HEATR4: variants seen among roughly 807,000 people sequenced by gnomAD.
HEATR4 encodes the protein HEAT repeat containing 4.
In HEATR4, 95 loss-of-function variants were observed where a neutral mutation model predicts 108.8. The observed-to-expected ratio is 0.87, with a 90% CI of 0.74 to 1.04. The LOEUF is 1.04. Ranked by LOEUF, HEATR4 falls within the 50% of genes least tolerant of loss-of-function variation. The pLI is 0.00. For missense variants in HEATR4, 1,152 were observed against 1,253.8 expected (o/e 0.92, Z 1.23); for synonymous variants, 443 against 459.4 (o/e 0.96, Z 0.46).
chr14:73,479,003 A>G (rs572782447), intron 17 of HEATR4, among the ~76,000 whole-genome samples, 161 bp from the exon 18 acceptor site: 1 of 152,020 alleles, frequency 6.6e-6, no homozygotes, highest in East Asian at 1.9e-4. Flanking sequence ...CAGTGGCGCA[A>G]TCTCGGCTTA....
At chr14:73,579,401 C>T in the HEATR4 span, among the ~76,000 whole-genome samples, 2 of 150,012 alleles carry the variant, frequency 1.3e-5, no homozygotes, top group African/African-American at 2.4e-5. Context: ...ATGGTGAAAC[C>T]CCATCTCTAC....
the HEATR4 span, among the ~76,000 whole-genome samples, chr14:73,619,074 G>A: frequency 2.6e-5 from 4 of 152,144 alleles, no homozygotes; most frequent in Non-Finnish European, 5.9e-5. Flanking sequence ...AGGTTACAGT[G>A]AGCCAAGATT....
At chr14:73,557,127 G>A (rs1301024114) in intron 1 of HEATR4, among the ~76,000 whole-genome samples, 1 of 112,908 alleles carries the variant, frequency 8.9e-6, no homozygotes, top group Admixed American at 1.0e-4. Flanking sequence ...TGGCATAACT[G>A]CAGACCAGGC....
rs182526993 is a variant in HEATR4, at chr14:73,501,361, G to A, written c.2106-631C>T. The stretch of plus-strand genomic sequence containing the variant: ...AGGATGGTCTTGATCTCCTGACCTC[G>A]TGATCTGCCCGCCTCGGCCTCCCAA... On this transcript the variant is annotated intron_variant, in intron 11 of 17. Coordinates refer to ENST00000553558, the MANE Select transcript of HEATR4 (RefSeq NM_001220484.1). Among the ~76,000 whole-genome samples, 1,054 of 151,944 alleles carry A rather than the reference G, an allele frequency of 6.9e-3. 11 individuals carry two copies. Among genetic ancestry groups the A allele is most frequent in the African/African-American group, 0.024 (1,015 of 41,440 alleles).
At chr14:73,576,793 CAA>C in the HEATR4 span, among the ~76,000 whole-genome samples, 26 of 12,104 alleles carry the variant, frequency 2.1e-3, 2 homozygotes, top group South Asian at 0.012. Context: ...GACACAGTCT[CAA>C]AAAAAAAAAA....
At chr14:73,628,622 G>A in the HEATR4 span, among the ~76,000 whole-genome samples, 1,895 of 152,206 alleles carry the variant, frequency 0.012, 44 homozygotes, top group African/African-American at 0.043. Flanking sequence ...GAGTGGTGGC[G>A]CATGCCTGTA....
chr14:73,505,836 T>C (rs778529089), intron 10 of HEATR4, among the ~76,000 whole-genome samples: 1 of 152,022 alleles, frequency 6.6e-6, no homozygotes, highest in Non-Finnish European at 1.5e-5. Flanking sequence ...AAATATGTCA[T>C]TGACTGATAA....
chr14:73,591,500 G>A, the HEATR4 span, among the ~76,000 whole-genome samples: 1 of 151,558 alleles, frequency 6.6e-6, no homozygotes, highest in African/African-American at 2.4e-5. Context: ...GAGCCGAAGC[G>A]CCACTGCACT....
chr14:73,629,016 C>A, the HEATR4 span, among the ~76,000 whole-genome samples: 2 of 150,474 alleles, frequency 1.3e-5, no homozygotes, highest in Non-Finnish European at 2.9e-5. Context: ...GATAACGCCA[C>A]TGCACTTCAG....
chr14:73,499,689 C>T (rs1312619619), intron 12 of HEATR4, among the ~76,000 whole-genome samples: 2 of 152,142 alleles, frequency 1.3e-5, no homozygotes, highest in Non-Finnish European at 2.9e-5. Flanking sequence ...GGCCATATGG[C>T]TTCTCTTGAA....
the HEATR4 span, among the ~76,000 whole-genome samples, chr14:73,623,270 T>C: frequency 6.6e-6 from 1 of 152,166 alleles, no homozygotes; most frequent in Non-Finnish European, 1.5e-5. Flanking sequence ...ACAACTTTCA[T>C]AAAATAAAAG....
At chr14:73,562,475 G>A (rs983342969), upstream of HEATR4, among the ~76,000 whole-genome samples, 7 of 152,072 alleles carry the variant, frequency 4.6e-5, no homozygotes, top group South Asian at 2.1e-4. Flanking sequence ...GAATAACAGC[G>A]ATTTTTATGG....
Position 73,520,998 on chromosome 14 carries a change from A to G in HEATR4, c.923T>C (p.Met308Thr), listed in dbSNP as rs779530212. The G allele has an allele frequency of 1.2e-6, 2 of 1,613,744 alleles. No individual in the cohort carries two copies. Among genetic ancestry groups the G allele is most frequent in the Non-Finnish European group, 8.5e-7 (1 of 1,179,984 alleles). Reference protein sequence around the residue: ...YFQQAETVEIMPGNKSTEDIH... With the variant: ...YFQQAETVEITPGNKSTEDIH... ...ATCCTCAGTGCTCTTGTTGCCAGGC[A>G]TGATCTCAACTGTCTCTGCTTGTTG... Residue 308 changes from methionine (M) to threonine (T), a missense_variant, in exon 4 of 18, where the codon ATG becomes ACG. Transcript: ENST00000553558.
At position 73,546,312 on chromosome 14, in the gene HEATR4, A is replaced by T. The variant is rs1212872344; in HGVS notation, c.-152+12439T>A. 1.7e-5 allele frequency among the ~76,000 whole-genome samples: 2 copies of T among 114,648 alleles called. 1 individual carries two copies. The highest frequency in any genetic ancestry group is 5.7e-5 in the African/African-American group (2 of 35,322). The allele number at this position is 114,648 out of a possible 152,430, so 75.2% of individuals were successfully genotyped here. ...TGTTTTAATAACATGAAAAATTTTA[A>T]AAAGCACCACAAGGGTTCAGATTAC... On this transcript the variant is annotated intron_variant, in intron 1 of 17. Transcript: ENST00000553558.
the HEATR4 span, chr14:73,574,206 A>G: frequency 4.4e-5 from 7 of 157,930 alleles, no homozygotes; most frequent in Admixed American, 3.6e-4. Flanking sequence ...CTATATTACT[A>G]TATTTCCTGC....
the HEATR4 span, among the ~76,000 whole-genome samples, chr14:73,567,011 G>GT: frequency 2.0e-5 from 3 of 152,080 alleles, no homozygotes; most frequent in Non-Finnish European, 4.4e-5. Context: ...GTTTCACTGT[G>GT]TTAGCCAGGA....
At position 73,478,555 on chromosome 14, in the gene HEATR4, T is replaced by C. The variant is rs1416282165; in HGVS notation, c.*51A>G. 3 of 1,215,102 alleles carry C rather than the reference T, an allele frequency of 2.5e-6. No individual in the cohort carries two copies. Among genetic ancestry groups the C allele is most frequent in the South Asian group, 1.2e-5 (1 of 80,324 alleles). 75.3% of individuals were successfully genotyped at this position (1,215,102 alleles called of 1,614,324 possible). A position where few individuals can be genotyped will look rare whatever the true frequency, so the allele number is the denominator to read the frequency against. ...TACAGTATCAATTAAAAAGACCCAATGTGACCAGGTCCACTGCTTCCTGCA... is the reference window on the plus strand; with the variant it reads ...TACAGTATCAATTAAAAAGACCCAACGTGACCAGGTCCACTGCTTCCTGCA... On this transcript the variant is annotated 3_prime_UTR_variant, in exon 18 of 18. Transcript: ENST00000553558.
At chr14:73,491,028 T>C (rs1438516370) in intron 17 of HEATR4, 1 of 1,547,520 alleles carries the variant, frequency 6.5e-7, no homozygotes, top group Non-Finnish European at 8.7e-7. Context: ...ATGGATGGGC[T>C]CCAGGCCAGT....
chr14:73,629,553 G>A, the HEATR4 span, among the ~76,000 whole-genome samples: 1 of 152,186 alleles, frequency 6.6e-6, no homozygotes, highest in Non-Finnish European at 1.5e-5. Flanking sequence ...GGAGAGACTG[G>A]AAGAGTGCAG....
Sources: gnomAD v4.1 joint callset for allele counts (sites outside exome capture counted in the v4.1 genomes callset) on GRCh38, gnomAD v4.1.1 for gene constraint, MANE v1.5 for transcripts, NCBI Gene and HGNC (gene_info 2026-07-23, HGNC 2026-07-21) for gene names.